IMMP2L: variants seen among roughly 807,000 people sequenced by gnomAD.
IMMP2L encodes the protein inner mitochondrial membrane peptidase subunit 2.
Under a neutral mutation model 19.3 loss-of-function variants are expected in IMMP2L, and 18 were observed. That is an observed-to-expected ratio of 0.93 (90% CI 0.64 to 1.38). The LOEUF (loss-of-function observed/expected upper bound fraction) is 1.38. IMMP2L is among the 40% of genes most tolerant of loss of function. The pLI, the probability that IMMP2L is intolerant of heterozygous loss-of-function variation, is 0.00. For missense variants in IMMP2L, 233 were observed against 218.2 expected (o/e 1.07, Z -0.43); for synonymous variants, 76 against 73.0 (o/e 1.04, Z -0.21).
intron 1 of IMMP2L, among the ~76,000 whole-genome samples, chr7:111,543,950 G>A (rs1329469955): frequency 6.6e-6 from 1 of 152,158 alleles, no homozygotes; most frequent in Non-Finnish European, 1.5e-5. Flanking sequence ...TGTGGACAGT[G>A]TCCATCTTAT....
At chr7:111,124,437 A>T in intron 3 of IMMP2L, 4 of 1,613,848 alleles carry the variant, frequency 2.5e-6, no homozygotes, top group Non-Finnish European at 3.4e-6. Context: ...TTAAATGGAC[A>T]GCCTTTGTCA....
intron 3 of IMMP2L, among the ~76,000 whole-genome samples, chr7:111,144,565 T>TC (rs763818460): frequency 2.0e-5 from 3 of 152,110 alleles, no homozygotes; most frequent in Non-Finnish European, 2.9e-5. Context: ...CACTTCTTTT[T>TC]CCCCTTTCTT....
intron 3 of IMMP2L, among the ~76,000 whole-genome samples, chr7:111,198,265 T>C (rs1440634388): frequency 6.6e-6 from 1 of 152,204 alleles, no homozygotes; most frequent in Admixed American, 6.5e-5. Flanking sequence ...TTCCTCTAAA[T>C]ATGGCTCCAG....
intron 3 of IMMP2L, among the ~76,000 whole-genome samples, chr7:111,345,663 A>G (rs886237317): frequency 6.6e-6 from 1 of 152,132 alleles, no homozygotes; most frequent in Non-Finnish European, 1.5e-5. Context: ...GGCTAGTGCA[A>G]TGGAGATTAT....
In IMMP2L at chr7:110,946,922, G is replaced by A. The variant is rs1275337542; in HGVS notation, c.305+16578C>T. On this transcript the variant is annotated intron_variant, in intron 4 of 5. Coordinates refer to ENST00000405709, the MANE Select transcript of IMMP2L (RefSeq NM_032549.4). ...TTTTTAGTAGAGATGGAGTTTCACCGTGTTAGTCAGGATGGTCTCGATACC... is the reference window on the plus strand; with the variant it reads ...TTTTTAGTAGAGATGGAGTTTCACCATGTTAGTCAGGATGGTCTCGATACC... Among the ~76,000 whole-genome samples the A allele has an allele frequency of 8.6e-5, 13 of 151,926 alleles. No homozygotes were observed. The South Asian group carries it at 2.5e-3, about 29-fold the overall frequency.
At chr7:111,056,948 G>C (rs1035086991) in intron 3 of IMMP2L, among the ~76,000 whole-genome samples, 1 of 151,728 alleles carries the variant, frequency 6.6e-6, no homozygotes, top group Non-Finnish European at 1.5e-5. Context: ...GTTGCTCAAG[G>C]GTCAACTGTA....
chr7:111,224,329 T>A (rs536591213), intron 3 of IMMP2L, among the ~76,000 whole-genome samples: 1 of 152,036 alleles, frequency 6.6e-6, no homozygotes, highest in Non-Finnish European at 1.5e-5. Context: ...TTAAGGAAAA[T>A]TAACTTAATG....
rs181235113 is a variant in IMMP2L, at chr7:110,903,689, C to T, written c.306-16994G>A. 1.9e-3 allele frequency among the ~76,000 whole-genome samples: 294 copies of T among 152,160 alleles called. 1 individual carries two copies. Among genetic ancestry groups the T allele is most frequent in the Non-Finnish European group, 3.4e-3 (230 of 68,008 alleles). ...CATCTGGGTTGTTTCTATATGCTGTCTGATGTGAAAAGTGCTAAAATGAGC... is the reference window on the plus strand; with the variant it reads ...CATCTGGGTTGTTTCTATATGCTGTTTGATGTGAAAAGTGCTAAAATGAGC... On this transcript the variant is annotated intron_variant, in intron 4 of 5. Coordinates refer to ENST00000405709, the MANE Select transcript of IMMP2L (RefSeq NM_032549.4).
chr7:111,385,488 T>C (rs1201728835), intron 3 of IMMP2L, among the ~76,000 whole-genome samples: 1 of 152,098 alleles, frequency 6.6e-6, no homozygotes, highest in Non-Finnish European at 1.5e-5. Flanking sequence ...CAACCACACA[T>C]TCGGATACTC....
chr7:111,281,164 A>AAGAAAG (rs1563004279), intron 3 of IMMP2L, among the ~76,000 whole-genome samples: 4 of 22,740 alleles, frequency 1.8e-4, no homozygotes, highest in African/African-American at 4.9e-4. Flanking sequence ...GACAGAAAGA[A>AAGAAAG]AGAAAGAAAG....
chr7:111,031,263 A>G (rs971651729), intron 3 of IMMP2L, among the ~76,000 whole-genome samples: 2 of 151,642 alleles, frequency 1.3e-5, no homozygotes, highest in African/African-American at 2.4e-5. Context: ...TTCTAACATC[A>G]CTCCCCAATA....
At chr7:110,798,656 G>A (rs375377053) in intron 5 of IMMP2L, among the ~76,000 whole-genome samples, 4 of 152,030 alleles carry the variant, frequency 2.6e-5, no homozygotes, top group South Asian at 2.1e-4. Flanking sequence ...GGAAGAAAGC[G>A]GGGGTGGAGG....
At chr7:111,152,184 T>C (rs951431854) in intron 3 of IMMP2L, among the ~76,000 whole-genome samples, 24 of 152,266 alleles carry the variant, frequency 1.6e-4, no homozygotes, top group African/African-American at 5.5e-4. Context: ...TTCACTATAA[T>C]TTAGTATATG....
chr7:110,804,287 T>A (rs910233429), intron 5 of IMMP2L, among the ~76,000 whole-genome samples: 9 of 152,068 alleles, frequency 5.9e-5, no homozygotes, highest in Non-Finnish European at 1.2e-4. Context: ...CTGTGTGGCA[T>A]TCCTAAAAGA....
chr7:110,903,509 T>C (rs1263160950), intron 4 of IMMP2L, among the ~76,000 whole-genome samples: 5 of 152,202 alleles, frequency 3.3e-5, no homozygotes, highest in South Asian at 2.1e-4. Flanking sequence ...TCATGTAATA[T>C]TGGTTCGTCT....
At chr7:110,927,797 A>G (rs1226339003) in intron 4 of IMMP2L, among the ~76,000 whole-genome samples, 1 of 152,130 alleles carries the variant, frequency 6.6e-6, no homozygotes, top group Non-Finnish European at 1.5e-5. Context: ...AGTTGTGATA[A>G]ATTGTTGCAG....
In IMMP2L at chr7:111,280,797, C is replaced by T. The variant is rs539497075; in HGVS notation, c.239+206441G>A. On this transcript the variant is annotated intron_variant, in intron 3 of 5. Coordinates refer to ENST00000405709, the MANE Select transcript of IMMP2L (RefSeq NM_032549.4). Reference sequence around the variant, plus strand: ...AGAAAGGAGTGAAATTGGCCGGGTGCGGTGGCTCAGGCCTGTAATCCCAGG... The same window carrying T: ...AGAAAGGAGTGAAATTGGCCGGGTGTGGTGGCTCAGGCCTGTAATCCCAGG... Among the ~76,000 whole-genome samples the T allele has an allele frequency of 3.0e-3, 463 of 152,058 alleles. 2 individuals carry two copies. Among genetic ancestry groups the T allele is most frequent in the South Asian group, 5.2e-3 (25 of 4,820 alleles).
chr7:111,442,154 A>T (rs1401752449), intron 3 of IMMP2L, among the ~76,000 whole-genome samples: 1 of 151,762 alleles, frequency 6.6e-6, no homozygotes, highest in Non-Finnish European at 1.5e-5. Flanking sequence ...AAAGCTCTGC[A>T]GGTAATATAG....
chr7:111,513,052 C>A (rs1845590841), intron 2 of IMMP2L, among the ~76,000 whole-genome samples: 1 of 152,024 alleles, frequency 6.6e-6, no homozygotes, highest in Non-Finnish European at 1.5e-5. Flanking sequence ...TGACACTGAT[C>A]TGAGCAATGA....
Sources: gnomAD v4.1 joint callset for allele counts (sites outside exome capture counted in the v4.1 genomes callset) on GRCh38, gnomAD v4.1.1 for gene constraint, MANE v1.5 for transcripts, NCBI Gene and HGNC (gene_info 2026-07-23, HGNC 2026-07-21) for gene names.